TIMM23B: variants seen among roughly 807,000 people sequenced by gnomAD.
TIMM23B encodes mitochondrial import inner membrane translocase subunit Tim23B.
Under a neutral mutation model 27.3 loss-of-function variants are expected in TIMM23B, and 27 were observed. The observed-to-expected ratio is 0.99, with a 90% CI of 0.73 to 1.36. TIMM23B has a LOEUF of 1.36. TIMM23B is among the 40% of genes most tolerant of loss of function. TIMM23B has a pLI of 0.00. For synonymous variants in TIMM23B, 73 were observed against 92.4 expected, an observed-to-expected ratio of 0.79 and a Z score of 1.21; for missense variants, 205 against 244.2, an observed-to-expected ratio of 0.84 and a Z score of 1.07.
intron 6 of TIMM23B, among the ~76,000 whole-genome samples, chr10:49,959,636 T>A (rs1839832507): frequency 6.6e-6 from 1 of 152,254 alleles, no homozygotes; most frequent in Admixed American, 6.5e-5. Context: ...ACATACTTGA[T>A]TTTTTAAGTC....
chr10:49,945,143 A>T, intron 2 of TIMM23B, 53 bp downstream of exon 2: 1 of 1,592,514 alleles, frequency 6.3e-7, no homozygotes, highest in South Asian at 1.1e-5. Context: ...TTTTAAAAAA[A>T]CGCCAAGTGC....
intron 2 of TIMM23B, among the ~76,000 whole-genome samples, chr10:49,949,511 T>C (rs1423956644): frequency 6.6e-6 from 1 of 152,180 alleles, no homozygotes; most frequent in Non-Finnish European, 1.5e-5. Context: ...GGTTGTACTC[T>C]AGATCTAGTT....
At chr10:49,967,730 ACT>A (rs1165116628) in intron 6 of TIMM23B, among the ~76,000 whole-genome samples, 2 of 151,976 alleles carry the variant, frequency 1.3e-5, no homozygotes, top group African/African-American at 4.8e-5. Context: ...AGAAAGTTAG[ACT>A]CTCATTTCTT....
At chr10:49,971,968 A>G (rs1158444825) in intron 6 of TIMM23B, among the ~76,000 whole-genome samples, 1 of 152,216 alleles carries the variant, frequency 6.6e-6, no homozygotes, top group African/African-American at 2.4e-5. Flanking sequence ...ATTTTAGAAC[A>G]GCTGACTTGG....
At chr10:49,950,650 TC>T (rs1322045779) in intron 2 of TIMM23B, among the ~76,000 whole-genome samples, 7 of 151,032 alleles carry the variant, frequency 4.6e-5, no homozygotes, top group Non-Finnish European at 1.0e-4. Context: ...CAAGCAATTC[TC>T]CTGCCTCAGC....
chr10:49,942,282 G>C lies in TIMM23B; in HGVS notation c.88G>C (p.Asp30His). ...CGGCGAAGCAGGTTACTCGCACGCGGATTTGGCTGGCGTCCCGCGTAAGTA... is the reference window on the plus strand; with the variant it reads ...CGGCGAAGCAGGTTACTCGCACGCGCATTTGGCTGGCGTCCCGCGTAAGTA... ...GAGEAGYSHADLAGVPLTGMN... is the reference protein window; with the variant it reads ...GAGEAGYSHAHLAGVPLTGMN... The change falls in exon 1 of 7, where the codon GAT becomes CAT. Residue 30 changes from aspartate to histidine, a missense_variant. Transcript: ENST00000651259. The C allele has an allele frequency of 9.9e-6, 16 of 1,612,022 alleles. No individual in the cohort carries two copies. Among genetic ancestry groups the C allele is most frequent in the Non-Finnish European group, 1.4e-5 (16 of 1,178,990 alleles).
At chr10:49,953,055 TAG>T (rs1190822940) in intron 4 of TIMM23B, among the ~76,000 whole-genome samples, 3 of 152,212 alleles carry the variant, frequency 2.0e-5, no homozygotes, top group Non-Finnish European at 2.9e-5. Context: ...AGTTTTCTGT[TAG>T]AACTTGAAGT....
At chr10:49,958,301 A>G in intron 5 of TIMM23B, 69 bp from the exon 6 acceptor site, 1 of 993,996 alleles carries the variant, frequency 1.0e-6, no homozygotes, top group Non-Finnish European at 1.6e-6. Flanking sequence ...GATGAAAACC[A>G]ATATATGTAT....
chr10:49,946,129 G>C (rs1839349742), intron 2 of TIMM23B, among the ~76,000 whole-genome samples: 2 of 151,164 alleles, frequency 1.3e-5, no homozygotes, highest in South Asian at 4.2e-4. Context: ...TACAAAGGTT[G>C]CAGTGAGCTG....
chr10:49,969,757 A>C lies in TIMM23B; in HGVS notation c.515-3255A>C, dbSNP rs376619432. Reference sequence around the variant, plus strand: ...AAAGAAAATTCTGGCTCTCCCTCTCACTCTCCCTCTCCCCACGGTCTCCCT... The same window carrying C: ...AAAGAAAATTCTGGCTCTCCCTCTCCCTCTCCCTCTCCCCACGGTCTCCCT... On this transcript the variant is annotated intron_variant, in intron 6 of 6. Transcript: ENST00000651259. Among the ~76,000 whole-genome samples, 28 of 149,026 alleles carry C rather than the reference A, an allele frequency of 1.9e-4. 1 individual carries two copies. The East Asian group carries it at 3.8e-3, about 20-fold the overall frequency.
chr10:49,956,461 GTGTGTGTGTA>G (rs1554914855), intron 5 of TIMM23B, among the ~76,000 whole-genome samples: 4,301 of 125,328 alleles, frequency 0.034, 419 homozygotes, highest in Non-Finnish European at 0.056. Context: ...GTGTGTGTGT[GTGTGTGTGTA>G]TGTGTGTCTT....
intron 5 of TIMM23B, among the ~76,000 whole-genome samples, chr10:49,957,586 C>T (rs1261321831): frequency 5.3e-5 from 8 of 151,962 alleles, no homozygotes; most frequent in African/African-American, 1.9e-4. Context: ...ATACAAATAG[C>T]CCAGTCAAGG....
At chr10:49,958,590 A>G in intron 6 of TIMM23B, 110 bp downstream of exon 6, 1 of 801,444 alleles carries the variant, frequency 1.2e-6, no homozygotes, top group South Asian at 1.7e-5. Flanking sequence ...CTAGTGTTCT[A>G]ACTTTATGGT....
At chr10:49,964,209 TGAA>T (rs1392436660) in intron 6 of TIMM23B, among the ~76,000 whole-genome samples, 2 of 126,498 alleles carry the variant, frequency 1.6e-5, no homozygotes, top group African/African-American at 6.2e-5. Flanking sequence ...TGAAATGAAA[TGAA>T]GAAATGAAAT....
intron 6 of TIMM23B, among the ~76,000 whole-genome samples, chr10:49,962,409 G>A (rs1839951048): frequency 6.6e-6 from 1 of 152,022 alleles, no homozygotes; most frequent in South Asian, 2.1e-4. Flanking sequence ...CACCATGTTG[G>A]CCAGGATGTT....
intron 6 of TIMM23B, among the ~76,000 whole-genome samples, chr10:49,966,065 A>AATGACATGACATGACATGACATGAC (rs146709772): frequency 6.8e-4 from 98 of 143,700 alleles, no homozygotes; most frequent in African/African-American, 2.3e-3. Flanking sequence ...CTCGAAATGA[A>AATGACATGACATGACATGACATGAC]ATGACATGAC....
At chr10:49,965,544 A>G (rs2338086) in intron 6 of TIMM23B, among the ~76,000 whole-genome samples, 133,340 of 144,128 alleles carry the variant, frequency 0.93, 62,326 homozygotes, top group East Asian at 1. Context: ...ATGAAATGAA[A>G]TGAGAAATGA....
intron 6 of TIMM23B, among the ~76,000 whole-genome samples, chr10:49,965,526 CAAATG>C (rs1337528301): frequency 6.2e-5 from 9 of 144,786 alleles, no homozygotes; most frequent in African/African-American, 2.1e-4. Flanking sequence ...TGAAATGAAA[CAAATG>C]AAATGAAATG....
At chr10:49,952,410 A>G (rs1839562011) in intron 3 of TIMM23B, 39 bp from the exon 4 acceptor site, 12 of 1,598,588 alleles carry the variant, frequency 7.5e-6, no homozygotes, top group Non-Finnish European at 1.0e-5. Flanking sequence ...TTTTTAATAT[A>G]AAGCTGTCTT....
Sources: gnomAD v4.1 joint callset for allele counts (sites outside exome capture counted in the v4.1 genomes callset) on GRCh38, gnomAD v4.1.1 for gene constraint, MANE v1.5 for transcripts, NCBI Gene and HGNC (gene_info 2026-07-23, HGNC 2026-07-21) for gene names.